The following FRMD6 variants were observed in gnomAD, a reference collection of about 807,000 sequenced individuals.
FRMD6 encodes the protein FERM domain-containing protein 6.
Under a neutral mutation model 73.2 loss-of-function variants are expected in FRMD6, and 37 were observed. That is an observed-to-expected ratio of 0.51 (90% CI 0.39 to 0.66). The LOEUF (loss-of-function observed/expected upper bound fraction) is 0.66, where lower values mean the gene tolerates loss of function less well. FRMD6 is among the 30% of genes least tolerant of loss of function. FRMD6 has a pLI of 0.00. For synonymous variants in FRMD6, 273 were observed against 282.2 expected (o/e 0.97, Z 0.33); for missense variants, 714 against 780.5 (o/e 0.91, Z 1.02).
At position 51,691,575 on chromosome 14, in the gene FRMD6, TATTTTG is replaced by T. The variant is rs1479139373; in HGVS notation, c.99+1652_99+1657del. ...ATATGTTACTATATTTTTATTTATTTATTTTGATTTTGATTTTTTTTTTTTTTTTTT... is the reference window on the plus strand; with the variant it reads ...ATATGTTACTATATTTTTATTTATTTATTTTGATTTTTTTTTTTTTTTTTT... On this transcript the variant is annotated intron_variant, in intron 2 of 13. Transcript: ENST00000344768. Among the ~76,000 whole-genome samples, 916 of 140,492 alleles carry T rather than the reference TATTTTG, an allele frequency of 6.5e-3. 42 individuals carry two copies. Among genetic ancestry groups the T allele is most frequent in the Middle Eastern group, 0.022 (6 of 274 alleles). 92.2% of individuals were successfully genotyped at this position (140,492 alleles called of 152,430 possible).
chr14:51,487,296 T>C (rs184316267), upstream of FRMD6, among the ~76,000 whole-genome samples: 6 of 152,364 alleles, frequency 3.9e-5, no homozygotes, highest in East Asian at 9.6e-4. Flanking sequence ...TTTTGGTTTA[T>C]TGTATTTGTA....
chr14:51,555,583 A>G (rs1014846888), intron 1 of FRMD6, among the ~76,000 whole-genome samples: 1 of 152,128 alleles, frequency 6.6e-6, no homozygotes, highest in Non-Finnish European at 1.5e-5. Context: ...CGAGCAGATC[A>G]CCTGAGTTTG....
chr14:51,500,741 T>A (rs969062575), intron 1 of FRMD6, among the ~76,000 whole-genome samples: 1 of 152,110 alleles, frequency 6.6e-6, no homozygotes, highest in Non-Finnish European at 1.5e-5. Flanking sequence ...ATTATATATA[T>A]GTACATATAT....
At chr14:51,686,400 C>G (rs2140335382) in intron 1 of FRMD6, among the ~76,000 whole-genome samples, 1 of 152,146 alleles carries the variant, frequency 6.6e-6, no homozygotes, top group South Asian at 2.1e-4. Flanking sequence ...AAATGACAAT[C>G]AGTATTGAAT....
At chr14:51,713,416 C>T (rs980358874) in intron 9 of FRMD6, among the ~76,000 whole-genome samples, 1 of 148,442 alleles carries the variant, frequency 6.7e-6, no homozygotes, top group African/African-American at 2.5e-5. Flanking sequence ...CAAGACCGCA[C>T]CATTGCACTC....
upstream of FRMD6, among the ~76,000 whole-genome samples, chr14:51,486,097 C>T (rs1882755693): frequency 6.6e-6 from 1 of 151,044 alleles, no homozygotes; most frequent in African/African-American, 2.4e-5. Flanking sequence ...TGCAGTGGCG[C>T]GATTTCGGCT....
intron 1 of FRMD6, chr14:51,547,698 G>A (rs1886553746): frequency 6.6e-6 from 1 of 152,112 alleles, no homozygotes; most frequent in Non-Finnish European, 1.5e-5. Flanking sequence ...AAAACATTGT[G>A]ATGCTCACCT....
chr14:51,473,915 A>C, the FRMD6 span, among the ~76,000 whole-genome samples: 1 of 151,768 alleles, frequency 6.6e-6, no homozygotes, highest in Non-Finnish European at 1.5e-5. Flanking sequence ...AAGCTGCATG[A>C]CTCAAAGGAA....
At chr14:51,530,220 G>A (rs1428776872) in intron 1 of FRMD6, among the ~76,000 whole-genome samples, 2 of 152,066 alleles carry the variant, frequency 1.3e-5, no homozygotes, top group East Asian at 1.9e-4. Context: ...TGTCTGTATG[G>A]TGGACATACT....
intron 13 of FRMD6, among the ~76,000 whole-genome samples, chr14:51,726,196 T>A (rs562291182): frequency 1.3e-5 from 2 of 152,304 alleles, no homozygotes; most frequent in African/African-American, 2.4e-5. Context: ...CCTGGGAGAA[T>A]AATATTTTTT....
chr14:51,430,083 A>G, the FRMD6 span, among the ~76,000 whole-genome samples: 4 of 152,246 alleles, frequency 2.6e-5, no homozygotes, highest in African/African-American at 7.2e-5. Context: ...CTTTCATTCC[A>G]TAAGATTCAG....
rs548118731 is a variant in FRMD6, at chr14:51,654,169, G to A, written c.-147+2173G>A. Among the ~76,000 whole-genome samples the A allele has an allele frequency of 2.6e-4, 39 of 152,232 alleles. 1 individual carries two copies. Among genetic ancestry groups the A allele is most frequent in the South Asian group, 4.1e-4 (2 of 4,822 alleles). On this transcript the variant is annotated intron_variant, in intron 1 of 13. Coordinates refer to ENST00000344768, the MANE Select transcript of FRMD6 (RefSeq NM_001267046.2). ...TTAGAGATTTAAGATGCTCCTGGCT[G>A]TACAGGAAAACGCCTGAAAACAGCA...
intron 2 of FRMD6, among the ~76,000 whole-genome samples, chr14:51,594,405 G>A (rs1054343433): frequency 8.6e-5 from 13 of 151,202 alleles, no homozygotes; most frequent in African/African-American, 2.4e-4. Flanking sequence ...CTTGGCTCAC[G>A]GCAACCTCTG....
the FRMD6 span, among the ~76,000 whole-genome samples, chr14:51,413,611 A>G: frequency 3.9e-5 from 6 of 152,326 alleles, no homozygotes; most frequent in African/African-American, 1.4e-4. Flanking sequence ...TAGTGCTGCA[A>G]TAAACATATG....
chr14:51,561,429 G>C (rs1279988126), intron 1 of FRMD6, among the ~76,000 whole-genome samples: 1 of 152,196 alleles, frequency 6.6e-6, no homozygotes, highest in Non-Finnish European at 1.5e-5. Context: ...GCCTGCTGTG[G>C]CTAAGCACTA....
intron 1 of FRMD6, among the ~76,000 whole-genome samples, chr14:51,680,874 A>G (rs1473484023): frequency 2.0e-5 from 3 of 152,126 alleles, no homozygotes; most frequent in Non-Finnish European, 2.9e-5. Flanking sequence ...TTGTTCAGAA[A>G]TGTTGAATGC....
intron 2 of FRMD6, among the ~76,000 whole-genome samples, chr14:51,694,815 A>G (rs979463620): frequency 2.6e-5 from 4 of 152,228 alleles, no homozygotes; most frequent in African/African-American, 9.6e-5. Flanking sequence ...AGAACTTGAG[A>G]AATTTTACAG....
the FRMD6 span, among the ~76,000 whole-genome samples, chr14:51,427,601 G>A: frequency 2.0e-5 from 3 of 152,190 alleles, no homozygotes; most frequent in East Asian, 1.9e-4. Context: ...CATGGGTCAC[G>A]TGTTGGCTAT....
intron 2 of FRMD6, among the ~76,000 whole-genome samples, chr14:51,619,403 A>G (rs1890839049): frequency 6.6e-6 from 1 of 152,066 alleles, no homozygotes; most frequent in Non-Finnish European, 1.5e-5. Flanking sequence ...GAGGAAAGGA[A>G]AAGAAGAAGA....
Sources: allele counts gnomAD v4.1 joint callset (sites outside exome capture counted in the v4.1 genomes callset), GRCh38; gene constraint gnomAD v4.1.1; transcripts MANE v1.5; gene names NCBI Gene and HGNC (gene_info 2026-07-23, HGNC 2026-07-21).